The following NLGN1 variants were observed in gnomAD, a reference collection of about 807,000 sequenced individuals.
NLGN1 encodes neuroligin 1, also known as neuroligin-1.
Under a neutral mutation model 65.5 loss-of-function variants are expected in NLGN1, and 12 were observed. The ratio of observed to expected loss-of-function variants is 0.18; its 90% confidence interval spans 0.12 to 0.30. The LOEUF (loss-of-function observed/expected upper bound fraction) is 0.30. Among genes scored for constraint, NLGN1 ranks in the 10% least tolerant of loss-of-function variants. The pLI is 1.00. For missense variants in NLGN1, 750 were observed against 1,007.1 expected (o/e 0.74, Z 3.46); for synonymous variants, 350 against 359.5 (o/e 0.97, Z 0.30).
At chr3:173,598,274 C>T (rs1749844601) in intron 2 of NLGN1, among the ~76,000 whole-genome samples, 1 of 152,142 alleles carries the variant, frequency 6.6e-6, no homozygotes, top group Admixed American at 6.6e-5. Flanking sequence ...ACCAATCTAC[C>T]TTCCCAGGAA....
At chr3:174,179,488 A>AT (rs368042247) in intron 4 of NLGN1, among the ~76,000 whole-genome samples, 17 of 151,884 alleles carry the variant, frequency 1.1e-4, no homozygotes, top group African/African-American at 1.4e-4. Context: ...TATCAAGCGG[A>AT]TTTTTTTTGT....
At position 173,419,020 on chromosome 3, in the gene NLGN1, C is replaced by CTTTTTT. The variant is rs59051811; in HGVS notation, c.-389-15961_-389-15956dup. Among the ~76,000 whole-genome samples the CTTTTTT allele has an allele frequency of 1.7e-3, 21 of 12,264 alleles. 2 individuals are homozygous for CTTTTTT. Among genetic ancestry groups the CTTTTTT allele is most frequent in the East Asian group, 0.012 (3 of 250 alleles). The allele number at this position is 12,264 out of a possible 152,430, so 8.0% of individuals were successfully genotyped here. A position where few individuals can be genotyped will look rare whatever the true frequency, so the allele number is the denominator to read the frequency against. On this transcript the variant is annotated intron_variant, in intron 1 of 6. Transcript: ENST00000457714. The stretch of plus-strand genomic sequence containing the variant: ...TCTGTTCTTTAGCTTTCTTCTTCTT[C>CTTTTTT]TTTTTTTTTTTTTTTTTTTTTTTTT...
intron 2 of NLGN1, among the ~76,000 whole-genome samples, chr3:173,542,831 C>T (rs181908716): frequency 2.6e-4 from 40 of 152,084 alleles, no homozygotes; most frequent in Non-Finnish European, 4.1e-4. Flanking sequence ...ATTGAAAATA[C>T]GTGCCACATG....
chr3:173,458,999 C>T lies in NLGN1; in HGVS notation c.-321+23921C>T, dbSNP rs1020514086. 2.6e-5 allele frequency among the ~76,000 whole-genome samples: 4 copies of T among 151,692 alleles called. No individual in the cohort carries two copies. In the East Asian group the frequency reaches 5.8e-4, roughly 22 times the overall value. On this transcript the variant is annotated intron_variant, in intron 2 of 6. Coordinates refer to ENST00000457714, the Ensembl canonical transcript of NLGN1. ...CTAATATTGGAACATGTGCTTCACC[C>T]ATTCTCCAGCCACAGAGAGCCTGAA... is the stretch of plus-strand genomic sequence containing the variant.
At chr3:173,830,926 G>T (rs771734241) in intron 4 of NLGN1, among the ~76,000 whole-genome samples, 1 of 152,086 alleles carries the variant, frequency 6.6e-6, no homozygotes, top group Non-Finnish European at 1.5e-5. Flanking sequence ...GATTTTCAAG[G>T]AGACTAACAC....
At chr3:173,585,291 C>T (rs1747193912) in intron 2 of NLGN1, among the ~76,000 whole-genome samples, 1 of 152,112 alleles carries the variant, frequency 6.6e-6, no homozygotes, top group Non-Finnish European at 1.5e-5. Flanking sequence ...GGAGACGCTT[C>T]CCAGATCCAG....
chr3:173,659,115 A>G (rs539636885), intron 3 of NLGN1, among the ~76,000 whole-genome samples: 13 of 152,062 alleles, frequency 8.5e-5, no homozygotes, highest in African/African-American at 3.1e-4. Flanking sequence ...ATTTTTACCA[A>G]AAAATTTTGT....
intron 4 of NLGN1, among the ~76,000 whole-genome samples, chr3:174,083,475 A>T (rs1354313807): frequency 6.6e-6 from 1 of 152,198 alleles, no homozygotes; most frequent in East Asian, 1.9e-4. Flanking sequence ...TTAAAATTGC[A>T]GACAACCTAA....
chr3:174,279,442 T>A lies in NLGN1; in HGVS notation c.1441T>A (p.Ser481Thr). ...AGCGGATCTTCACTCAAACTTTGGT[T>A]CACCTACGTACTTCTATGCCTTTTA... is the stretch of plus-strand genomic sequence containing the variant. The change falls in exon 6 of 7, where the codon TCA becomes ACA. Residue 481 changes from serine (S) to threonine (T), a missense_variant. Coordinates refer to ENST00000457714, the Ensembl canonical transcript of NLGN1. The surrounding 1 kb of genome is among the most constrained non-coding windows in gnomAD (Gnocchi z 4.7). The A allele has an allele frequency of 6.2e-7, 1 of 1,613,292 alleles. No individual in the cohort carries two copies. Among genetic ancestry groups the A allele is most frequent in the Non-Finnish European group, 8.5e-7 (1 of 1,179,552 alleles).
intron 4 of NLGN1, among the ~76,000 whole-genome samples, chr3:174,230,966 G>A (rs1164909044): frequency 6.6e-6 from 1 of 152,134 alleles, no homozygotes; most frequent in Non-Finnish European, 1.5e-5. Flanking sequence ...GTCCTGCAAA[G>A]GCAGTCTAGT....
At chr3:173,499,693 G>A (rs1730686731) in intron 2 of NLGN1, among the ~76,000 whole-genome samples, 1 of 151,804 alleles carries the variant, frequency 6.6e-6, no homozygotes, top group Non-Finnish European at 1.5e-5. Context: ...ATGAGCATGG[G>A]ATGTTCTTCC....
At chr3:174,060,864 T>A (rs909030027) in intron 4 of NLGN1, among the ~76,000 whole-genome samples, 3 of 152,038 alleles carry the variant, frequency 2.0e-5, no homozygotes, top group Admixed American at 6.6e-5. Flanking sequence ...AGAACTGAGA[T>A]AGGACACTTA....
intron 3 of NLGN1, among the ~76,000 whole-genome samples, chr3:173,706,831 A>G (rs1768120390): frequency 1.3e-5 from 2 of 152,248 alleles, no homozygotes; most frequent in Non-Finnish European, 2.9e-5. Context: ...CCACGCGTGC[A>G]CGCACGCACA....
At chr3:173,530,083 G>C (rs1736314678) in intron 2 of NLGN1, among the ~76,000 whole-genome samples, 1 of 152,006 alleles carries the variant, frequency 6.6e-6, no homozygotes, top group African/African-American at 2.4e-5. Context: ...TCAGTCTCCT[G>C]AGTAGCTGGT....
At chr3:173,695,067 T>C (rs1367871562) in intron 3 of NLGN1, among the ~76,000 whole-genome samples, 3 of 152,214 alleles carry the variant, frequency 2.0e-5, no homozygotes, top group African/African-American at 7.2e-5. Context: ...ATGTTGAGCC[T>C]GACAGTCAAA....
chr3:173,899,840 G>A (rs1032546524), intron 4 of NLGN1, among the ~76,000 whole-genome samples: 3 of 152,042 alleles, frequency 2.0e-5, no homozygotes, highest in Non-Finnish European at 4.4e-5. Flanking sequence ...TAATTTGGAT[G>A]TTTTAATTCC....
chr3:173,609,435 T>C (rs965209711), intron 3 of NLGN1, among the ~76,000 whole-genome samples: 18 of 151,966 alleles, frequency 1.2e-4, no homozygotes, highest in African/African-American at 2.7e-4. Context: ...TGAGATAATA[T>C]TGAATTCTTT....
chr3:173,796,364 A>G (rs753772336), intron 3 of NLGN1, among the ~76,000 whole-genome samples: 2 of 152,140 alleles, frequency 1.3e-5, no homozygotes, highest in Admixed American at 6.6e-5. Flanking sequence ...TCTGAAATGT[A>G]AGAATGCATC....
At position 173,446,436 on chromosome 3, in the gene NLGN1, G is replaced by A. The variant is rs1285282943; in HGVS notation, c.-321+11358G>A. The stretch of plus-strand genomic sequence containing the variant: ...CTGCGTAGTATTCCATGGTGTATAT[G>A]TGCCACATTTTCTTAATCCAGTCTA... On this transcript the variant is annotated intron_variant, in intron 2 of 6. Coordinates refer to ENST00000457714, the Ensembl canonical transcript of NLGN1. Among the ~76,000 whole-genome samples the A allele has an allele frequency of 3.9e-5, 6 of 152,140 alleles. No individual in the cohort carries two copies. The East Asian group carries it at 1.2e-3, about 29-fold the overall frequency.
Sources: gnomAD v4.1 joint callset for allele counts (sites outside exome capture counted in the v4.1 genomes callset) on GRCh38, gnomAD v4.1.1 for gene constraint, Gnocchi (gnomAD v3.1) non-coding constraint, MANE v1.5 for transcripts, NCBI Gene and HGNC (gene_info 2026-07-23, HGNC 2026-07-21) for gene names.